The following GPC5 variants were observed in gnomAD, a reference collection of about 807,000 sequenced individuals.
GPC5 encodes glypican 5.
In GPC5, 47 loss-of-function variants were observed where a neutral mutation model predicts 53.9. That is an observed-to-expected ratio of 0.87 (90% CI 0.69 to 1.11). The LOEUF (loss-of-function observed/expected upper bound fraction) is 1.11, where lower values mean the gene tolerates loss of function less well. Among genes scored for constraint, GPC5 ranks in the 50% most tolerant of loss-of-function variants. The pLI is 0.00. For missense variants in GPC5, 748 were observed against 713.1 expected (o/e 1.05, Z -0.56); for synonymous variants, 286 against 263.3 (o/e 1.09, Z -0.84).
At chr13:91,487,169 G>A (rs908748404) in intron 2 of GPC5, among the ~76,000 whole-genome samples, 25 of 151,998 alleles carry the variant, frequency 1.6e-4, no homozygotes, top group Admixed American at 1.4e-3. Context: ...TTTATTTAAC[G>A]TGCACAAGGG....
At chr13:92,343,263 C>T (rs2043382375) in intron 7 of GPC5, among the ~76,000 whole-genome samples, 1 of 152,148 alleles carries the variant, frequency 6.6e-6, no homozygotes, top group Non-Finnish European at 1.5e-5. Context: ...TCTGTGCCTT[C>T]ATCCCAGGAG....
intron 7 of GPC5, among the ~76,000 whole-genome samples, chr13:92,842,023 T>TCTTCACCCTGTACTATGACTTTGGACA (rs1158162457): frequency 6.6e-6 from 1 of 152,212 alleles, no homozygotes; most frequent in Non-Finnish European, 1.5e-5. Context: ...GGTCTTGGTC[T>TCTTCACCCTGTACTATGACTTTGGACA]TCCATTCAAA....
chr13:92,363,923 G>T (rs550633239), intron 7 of GPC5, among the ~76,000 whole-genome samples: 1 of 151,856 alleles, frequency 6.6e-6, no homozygotes, highest in Non-Finnish European at 1.5e-5. Flanking sequence ...ACTAAGACAA[G>T]AATGCCGAAA....
At chr13:91,506,367 A>G (rs554572928) in intron 2 of GPC5, among the ~76,000 whole-genome samples, 1 of 152,162 alleles carries the variant, frequency 6.6e-6, no homozygotes, top group South Asian at 2.1e-4. Context: ...GAATATTTAA[A>G]TCCATTAATC....
chr13:92,407,407 T>C lies in GPC5; in HGVS notation c.1561+262418T>C, dbSNP rs185751251. 1.1e-3 allele frequency among the ~76,000 whole-genome samples: 170 copies of C among 152,320 alleles called. 2 individuals carry two copies. The highest frequency in any genetic ancestry group is 2.4e-4 in the Non-Finnish European group (16 of 68,016). ...CAAGATATTCTCTATATTTTTCTAA[T>C]GTGATTTTGTGTTTGAGATATTAAG... On this transcript the variant is annotated intron_variant, in intron 7 of 7. Coordinates refer to ENST00000377067, the MANE Select transcript of GPC5 (RefSeq NM_004466.6).
chr13:91,838,780 C>A (rs777686577), intron 5 of GPC5, among the ~76,000 whole-genome samples: 32 of 152,112 alleles, frequency 2.1e-4, no homozygotes, highest in Non-Finnish European at 4.4e-4. Flanking sequence ...GAATGGTAAA[C>A]ATCTTCCATA....
chr13:92,462,657 T>A (rs1467799165), intron 7 of GPC5, among the ~76,000 whole-genome samples: 1 of 151,726 alleles, frequency 6.6e-6, no homozygotes, highest in Admixed American at 6.6e-5. Flanking sequence ...CAAATTTAGA[T>A]GGTATTTAAA....
chr13:91,950,468 C>T lies in GPC5; in HGVS notation c.1401+42411C>T, dbSNP rs572201200. Among the ~76,000 whole-genome samples the T allele has an allele frequency of 7.9e-5, 12 of 152,016 alleles. No individual in the cohort carries two copies. In the East Asian group the frequency reaches 2.3e-3, roughly 30 times the overall value. Reference sequence around the variant, plus strand: ...CCACAGGGAACTTTTATTACTCTACCTTCTGTGCTGTCTAAGCACTTGGCT... The same window carrying T: ...CCACAGGGAACTTTTATTACTCTACTTTCTGTGCTGTCTAAGCACTTGGCT... On this transcript the variant is annotated intron_variant, in intron 6 of 7. Coordinates refer to ENST00000377067, the MANE Select transcript of GPC5 (RefSeq NM_004466.6).
intron 7 of GPC5, among the ~76,000 whole-genome samples, chr13:92,385,678 T>C (rs1034559659): frequency 1.4e-5 from 2 of 143,586 alleles, no homozygotes; most frequent in African/African-American, 5.1e-5. Flanking sequence ...TATACATATA[T>C]ACACACATAT....
At chr13:92,853,844 T>C (rs772158377) in intron 7 of GPC5, among the ~76,000 whole-genome samples, 5 of 152,110 alleles carry the variant, frequency 3.3e-5, no homozygotes, top group Non-Finnish European at 7.4e-5. Flanking sequence ...CAGCACAGAA[T>C]ATCCAATAGT....
At chr13:91,486,655 T>C (rs535539210) in intron 2 of GPC5, 1 of 152,288 alleles carries the variant, frequency 6.6e-6, no homozygotes, top group African/African-American at 2.4e-5. Flanking sequence ...CCTTGCTCAA[T>C]TAAGCTATCT....
At chr13:91,530,499 G>A (rs955591605) in intron 2 of GPC5, among the ~76,000 whole-genome samples, 1 of 152,136 alleles carries the variant, frequency 6.6e-6, no homozygotes. Flanking sequence ...TGCATAATAT[G>A]CCTCCTTCAT....
intron 2 of GPC5, among the ~76,000 whole-genome samples, chr13:91,644,128 T>C (rs1379516482): frequency 6.6e-6 from 1 of 152,192 alleles, no homozygotes; most frequent in Non-Finnish European, 1.5e-5. Context: ...CTAGAAACTT[T>C]AAGATTATGT....
At chr13:92,077,102 T>C (rs2041258130) in intron 6 of GPC5, among the ~76,000 whole-genome samples, 1 of 152,146 alleles carries the variant, frequency 6.6e-6, no homozygotes, top group Non-Finnish European at 1.5e-5. Flanking sequence ...TGCTTTGAAT[T>C]GCCCCGCCTT....
chr13:92,259,884 G>A (rs1289741305), intron 7 of GPC5, among the ~76,000 whole-genome samples: 1 of 152,128 alleles, frequency 6.6e-6, no homozygotes, highest in Non-Finnish European at 1.5e-5. Context: ...CCTCTAAGTG[G>A]CCCATTTGGG....
chr13:92,257,865 A>G (rs1165366392), intron 7 of GPC5, among the ~76,000 whole-genome samples: 1 of 152,020 alleles, frequency 6.6e-6, no homozygotes. Flanking sequence ...GGGTGTTTAG[A>G]TAAGAGTCCT....
chr13:92,083,425 A>G (rs2041312004), intron 6 of GPC5, among the ~76,000 whole-genome samples: 1 of 152,190 alleles, frequency 6.6e-6, no homozygotes, highest in African/African-American at 2.4e-5. Flanking sequence ...AAAAACATAT[A>G]TAGAGTCAGG....
At chr13:92,424,844 A>G (rs927050731) in intron 7 of GPC5, among the ~76,000 whole-genome samples, 1 of 151,892 alleles carries the variant, frequency 6.6e-6, no homozygotes, top group Non-Finnish European at 1.5e-5. Context: ...TCATTCATTC[A>G]TTGAACATGT....
chr13:91,594,973 T>C (rs1246761265), intron 2 of GPC5, among the ~76,000 whole-genome samples: 1 of 151,048 alleles, frequency 6.6e-6, no homozygotes, highest in Non-Finnish European at 1.5e-5. Flanking sequence ...CCCAGGCTTA[T>C]TTTTTTATTT....
Sources: gnomAD v4.1 joint callset for allele counts (sites outside exome capture counted in the v4.1 genomes callset) on GRCh38, gnomAD v4.1.1 for gene constraint, MANE v1.5 for transcripts, NCBI Gene and HGNC (gene_info 2026-07-23, HGNC 2026-07-21) for gene names.